The following MGMT variants were observed in gnomAD, a reference collection of about 807,000 sequenced individuals.
MGMT encodes methylated-DNA--protein-cysteine methyltransferase.
MGMT carries 14 observed loss-of-function variants against 15.9 expected under a neutral mutation model. The ratio of observed to expected loss-of-function variants is 0.88; its 90% CI spans 0.58 to 1.37. The LOEUF is 1.37. Ranked by LOEUF, MGMT falls within the 40% of genes most tolerant of loss-of-function variation. MGMT has a pLI of 0.00. For synonymous variants in MGMT, 130 were observed against 118.2 expected, an observed-to-expected ratio of 1.10 and a Z score of -0.65; for missense variants, 282 against 268.1, an observed-to-expected ratio of 1.05 and a Z score of -0.36.
Position 129,532,813 on chromosome 10 carries a change from T to C in MGMT, c.-12-3428T>C, listed in dbSNP as rs544477827. ...GTAGAGGAGTCAGGGGTCTTATTGA[T>C]GAGGAAATAGAGGCTTGAGAGAGGA... On this transcript the variant is annotated intron_variant, in intron 1 of 4. Coordinates refer to ENST00000651593, the MANE Select transcript of MGMT (RefSeq NM_002412.5). This position sits in a 1 kb window ranked among gnomAD's most constrained non-coding sequence, Gnocchi z 5.3. Among the ~76,000 whole-genome samples the C allele has an allele frequency of 6.6e-6, 1 of 152,150 alleles. No individual in the cohort carries two copies. Among genetic ancestry groups the C allele is most frequent in the Non-Finnish European group, 1.5e-5 (1 of 68,030 alleles).
intron 2 of MGMT, among the ~76,000 whole-genome samples, chr10:129,687,610 C>T (rs117047636): frequency 0.015 from 2,295 of 152,242 alleles, 23 homozygotes; most frequent in Non-Finnish European, 0.024. Flanking sequence ...TTGAGTTACT[C>T]CATATTGCTT....
At chr10:129,559,772 T>A (rs913550778) in intron 2 of MGMT, among the ~76,000 whole-genome samples, 4 of 152,196 alleles carry the variant, frequency 2.6e-5, no homozygotes, top group African/African-American at 7.2e-5. Context: ...TAGGTCCTTT[T>A]AAAAAAACCT....
intron 2 of MGMT, among the ~76,000 whole-genome samples, chr10:129,565,169 G>A (rs868298377): frequency 3.1e-4 from 47 of 152,284 alleles, no homozygotes; most frequent in Middle Eastern, 3.4e-3. Context: ...GGGGCCCGGC[G>A]CGAAAACAGC....
intron 2 of MGMT, among the ~76,000 whole-genome samples, chr10:129,638,395 T>A (rs1199355393): frequency 1.3e-5 from 1 of 76,316 alleles, no homozygotes; most frequent in South Asian, 3.7e-4. Flanking sequence ...ATGAAAGACT[T>A]AAGAATAAGA....
chr10:129,575,231 T>A (rs1029244651), intron 2 of MGMT, among the ~76,000 whole-genome samples: 4 of 149,348 alleles, frequency 2.7e-5, no homozygotes, highest in Non-Finnish European at 6.0e-5. Context: ...CAGAATATAC[T>A]TTTTTTTCAG....
chr10:129,477,443 C>T (rs569998734), intron 1 of MGMT, among the ~76,000 whole-genome samples: 2 of 152,292 alleles, frequency 1.3e-5, no homozygotes, highest in Admixed American at 1.3e-4. Context: ...AGGCTGAAGT[C>T]CTGACCTCCA....
intron 1 of MGMT, among the ~76,000 whole-genome samples, chr10:129,522,836 G>A (rs772110841): frequency 6.6e-6 from 1 of 152,174 alleles, no homozygotes; most frequent in Non-Finnish European, 1.5e-5. Context: ...AGAGCCCCCG[G>A]CACCTGCTCG....
At chr10:129,625,560 C>A (rs560871680) in intron 2 of MGMT, among the ~76,000 whole-genome samples, 1 of 152,158 alleles carries the variant, frequency 6.6e-6, no homozygotes, top group Non-Finnish European at 1.5e-5. Flanking sequence ...CGGTGTAATT[C>A]TCCACATTCA....
intron 1 of MGMT, among the ~76,000 whole-genome samples, chr10:129,516,050 C>G (rs1346014030): frequency 6.6e-6 from 1 of 152,216 alleles, no homozygotes; most frequent in Non-Finnish European, 1.5e-5. Context: ...CAGCCTCACT[C>G]TGTGCTGGTT....
At position 129,566,975 on chromosome 10, in the gene MGMT, G is replaced by T. The variant is rs4751101; in HGVS notation, c.125+30598G>T. On this transcript the variant is annotated intron_variant, in intron 2 of 4. Coordinates refer to ENST00000651593, the MANE Select transcript of MGMT (RefSeq NM_002412.5). This position sits in a 1 kb window ranked among gnomAD's most constrained non-coding sequence, Gnocchi z 4.1. ...CTCTCTTGGCGGGTGACACGTAACT[G>T]TTACAAATGGGTGCCTGTCCCTGTC... is the stretch of plus-strand genomic sequence containing the variant. Among the ~76,000 whole-genome samples the T allele has an allele frequency of 0.091, 13,859 of 152,172 alleles. 692 individuals carry two copies. The highest frequency in any genetic ancestry group is 0.11 in the African/African-American group (4,367 of 41,496).
intron 2 of MGMT, among the ~76,000 whole-genome samples, chr10:129,543,813 A>C (rs1052311375): frequency 1.3e-5 from 2 of 152,260 alleles, no homozygotes; most frequent in African/African-American, 4.8e-5. Flanking sequence ...CATTTCATTT[A>C]ATTTTAAGTC....
intron 3 of MGMT, among the ~76,000 whole-genome samples, chr10:129,758,743 G>A (rs764612993): frequency 2.0e-5 from 3 of 152,146 alleles, no homozygotes; most frequent in Non-Finnish European, 2.9e-5. Flanking sequence ...GTGGACAGCC[G>A]GCATAATATC....
chr10:129,558,908 G>A (rs1170186012), intron 2 of MGMT, among the ~76,000 whole-genome samples: 1 of 152,078 alleles, frequency 6.6e-6, no homozygotes, highest in African/African-American at 2.4e-5. Context: ...CATCCCCGAC[G>A]CCGGGCTGGT....
intron 4 of MGMT, among the ~76,000 whole-genome samples, chr10:129,761,353 C>G (rs551212944): frequency 2.0e-5 from 3 of 152,202 alleles, no homozygotes; most frequent in African/African-American, 4.8e-5. Context: ...GCCGACTGCT[C>G]GCTCCCTTGT....
chr10:129,633,731 A>G (rs1363860191), intron 2 of MGMT, among the ~76,000 whole-genome samples: 2 of 152,262 alleles, frequency 1.3e-5, no homozygotes, highest in African/African-American at 4.8e-5. Flanking sequence ...ACATGTGGTT[A>G]TATGCATAAA....
In MGMT at chr10:129,730,431, G is replaced by A. The variant is rs1042139961; in HGVS notation, c.274+22388G>A. Reference sequence around the variant, plus strand: ...CTGTGAGTCTGGGATTGTGTGAGGCGAGCGTGCGTATTCATTCTACTGCAG... The same window carrying A: ...CTGTGAGTCTGGGATTGTGTGAGGCAAGCGTGCGTATTCATTCTACTGCAG... On this transcript the variant is annotated intron_variant, in intron 3 of 4. Coordinates refer to ENST00000651593, the MANE Select transcript of MGMT (RefSeq NM_002412.5). Among the ~76,000 whole-genome samples the A allele has an allele frequency of 3.3e-5, 5 of 152,184 alleles. No homozygotes were observed. The East Asian group carries it at 5.8e-4, about 18-fold the overall frequency.
At chr10:129,550,977 C>T in intron 2 of MGMT, among the ~76,000 whole-genome samples, 1 of 152,134 alleles carries the variant, frequency 6.6e-6, no homozygotes, top group East Asian at 1.9e-4. Context: ...GCAGGTGGGC[C>T]TCTGGGCACT....
intron 3 of MGMT, among the ~76,000 whole-genome samples, chr10:129,735,143 T>C (rs1848545401): frequency 6.6e-6 from 1 of 152,176 alleles, no homozygotes; most frequent in Non-Finnish European, 1.5e-5. Context: ...ATGGTACCAG[T>C]TCCTCCTTGT....
intron 2 of MGMT, among the ~76,000 whole-genome samples, chr10:129,579,943 C>T (rs1846532602): frequency 6.6e-6 from 1 of 152,204 alleles, no homozygotes. Context: ...GCCACCCAGG[C>T]CTGCCCGTGA....
Sources: gnomAD v4.1 joint callset for allele counts (sites outside exome capture counted in the v4.1 genomes callset) on GRCh38, gnomAD v4.1.1 for gene constraint, Gnocchi (gnomAD v3.1) non-coding constraint, MANE v1.5 for transcripts, NCBI Gene and HGNC (gene_info 2026-07-23, HGNC 2026-07-21) for gene names.